Variants in PDSS2 observed in about 807,000 individuals in gnomAD.
PDSS2 encodes all trans-polyprenyl-diphosphate synthase PDSS2.
Under a neutral mutation model 44.5 loss-of-function variants are expected in PDSS2, and 31 were observed. The observed-to-expected ratio is 0.70, with a 90% CI of 0.52 to 0.94. The LOEUF (loss-of-function observed/expected upper bound fraction) is 0.94. PDSS2 is among the 40% of genes least tolerant of loss of function. PDSS2 has a pLI of 0.00. For missense variants in PDSS2, 452 were observed against 482.2 expected (o/e 0.94, Z 0.59); for synonymous variants, 157 against 180.3 (o/e 0.87, Z 1.03).
chr6:107,170,972 CCAA>C (rs1428959688), intron 7 of PDSS2, among the ~76,000 whole-genome samples: 1 of 152,114 alleles, frequency 6.6e-6, no homozygotes, highest in Non-Finnish European at 1.5e-5. Context: ...CAAATTAAAA[CCAA>C]CAAGCGTTTA....
chr6:107,349,440 A>G (rs541166361), intron 1 of PDSS2, among the ~76,000 whole-genome samples: 1 of 151,504 alleles, frequency 6.6e-6, no homozygotes, highest in African/African-American at 2.4e-5. Context: ...CTCAAAAAAA[A>G]AAATTACAAA....
At chr6:107,442,091 C>A (rs951260967) in intron 1 of PDSS2, among the ~76,000 whole-genome samples, 1 of 152,138 alleles carries the variant, frequency 6.6e-6, no homozygotes, top group Admixed American at 6.6e-5. Flanking sequence ...TTCCTAAGGC[C>A]TGATTAGCTC....
intron 1 of PDSS2, among the ~76,000 whole-genome samples, chr6:107,374,122 C>T (rs1380239850): frequency 4.0e-5 from 6 of 151,886 alleles, no homozygotes; most frequent in African/African-American, 9.7e-5. Context: ...GCCGTGGTGG[C>T]GCCCGCCTGT....
At chr6:107,306,623 T>C (rs988437484) in intron 2 of PDSS2, among the ~76,000 whole-genome samples, 3 of 152,184 alleles carry the variant, frequency 2.0e-5, no homozygotes, top group Non-Finnish European at 2.9e-5. Context: ...CTGGAATGCA[T>C]ATGTTCCAGA....
At chr6:107,179,181 C>A (rs780573712) in intron 7 of PDSS2, among the ~76,000 whole-genome samples, 1 of 152,160 alleles carries the variant, frequency 6.6e-6, no homozygotes, top group Non-Finnish European at 1.5e-5. Context: ...CTTCTTAGAT[C>A]CAGGATAGGG....
chr6:107,204,957 C>A (rs535271091), intron 6 of PDSS2, among the ~76,000 whole-genome samples: 32 of 152,116 alleles, frequency 2.1e-4, no homozygotes, highest in Non-Finnish European at 4.0e-4. Flanking sequence ...GCATATAGTT[C>A]TTTCAAATGC....
intron 7 of PDSS2, among the ~76,000 whole-genome samples, chr6:107,179,795 G>C (rs527381329): frequency 2.0e-5 from 3 of 152,182 alleles, no homozygotes; most frequent in Admixed American, 2.0e-4. Context: ...CTCTGATGTG[G>C]TAAGTGGGGA....
At chr6:107,263,352 C>T (rs1775308858) in intron 3 of PDSS2, among the ~76,000 whole-genome samples, 1 of 151,662 alleles carries the variant, frequency 6.6e-6, no homozygotes, top group Non-Finnish European at 1.5e-5. Flanking sequence ...ACTCAGGAGG[C>T]TGAGGCAGAA....
chr6:107,439,766 T>C (rs1781460951), intron 1 of PDSS2, among the ~76,000 whole-genome samples: 2 of 152,150 alleles, frequency 1.3e-5, no homozygotes, highest in African/African-American at 4.8e-5. Context: ...GCATGTCCAA[T>C]AGACTGGCTG....
intron 1 of PDSS2, among the ~76,000 whole-genome samples, chr6:107,441,798 C>T (rs893317472): frequency 6.6e-6 from 1 of 152,160 alleles, no homozygotes; most frequent in African/African-American, 2.4e-5. Flanking sequence ...TCTGTGAGGT[C>T]TAAGCAGGCA....
At chr6:107,445,625 A>C (rs1781646207) in intron 1 of PDSS2, among the ~76,000 whole-genome samples, 1 of 152,204 alleles carries the variant, frequency 6.6e-6, no homozygotes, top group Non-Finnish European at 1.5e-5. Context: ...AGCTTTTCAG[A>C]TTTTAAATTG....
rs149447618 is a variant in PDSS2 at position 107,300,006 on chromosome 6, T to C, written c.432-25779A>G. Among the ~76,000 whole-genome samples the C allele has an allele frequency of 4.4e-3, 670 of 152,108 alleles. 6 individuals are homozygous for C. Among genetic ancestry groups the C allele is most frequent in the African/African-American group, 0.016 (645 of 41,440 alleles). ...TCTCAAAACTACATGAAACCCTCCATACCCATACTCACCTGGTAAGCCTAT... is the reference window on the plus strand; with the variant it reads ...TCTCAAAACTACATGAAACCCTCCACACCCATACTCACCTGGTAAGCCTAT... On this transcript the variant is annotated intron_variant, in intron 2 of 7. Coordinates refer to ENST00000369037, the MANE Select transcript of PDSS2 (RefSeq NM_020381.4).
rs555095182 is a variant in PDSS2, at chr6:107,301,172, T to G, written c.432-26945A>C. On this transcript the variant is annotated intron_variant, in intron 2 of 7. Transcript: ENST00000369037. The stretch of plus-strand genomic sequence containing the variant: ...TATAAATTGTGATTCGCGGACTTTT[T>G]CATTACTTTGTGTGTATATATTACT... 6.2e-4 allele frequency among the ~76,000 whole-genome samples: 94 copies of G among 152,350 alleles called. No individual in the cohort carries two copies. In the South Asian group the frequency reaches 7.5e-3, roughly 12 times the overall value.
At chr6:107,266,541 T>TCATAGCC (rs1775418153) in intron 3 of PDSS2, among the ~76,000 whole-genome samples, 1 of 151,994 alleles carries the variant, frequency 6.6e-6, no homozygotes, top group South Asian at 2.1e-4. Flanking sequence ...AAAAAACATA[T>TCATAGCC]CATAGCCTAA....
At chr6:107,243,876 C>T (rs918469203) in intron 4 of PDSS2, among the ~76,000 whole-genome samples, 1 of 152,178 alleles carries the variant, frequency 6.6e-6, no homozygotes, top group Admixed American at 6.5e-5. Flanking sequence ...CACCTGTAAT[C>T]CCAGCACTTT....
At chr6:107,412,190 T>G (rs1300717597) in intron 1 of PDSS2, among the ~76,000 whole-genome samples, 1 of 150,560 alleles carries the variant, frequency 6.6e-6, no homozygotes, top group Admixed American at 6.6e-5. Context: ...GCCTGGCAAC[T>G]GTACTTCTTT....
chr6:107,167,755 C>G (rs1771407453), intron 7 of PDSS2, among the ~76,000 whole-genome samples: 1 of 152,170 alleles, frequency 6.6e-6, no homozygotes, highest in African/African-American at 2.4e-5. Context: ...CATTCAGGAG[C>G]AGGTTGTTCA....
chr6:107,261,984 C>A (rs1370237500), intron 3 of PDSS2, among the ~76,000 whole-genome samples: 1 of 144,954 alleles, frequency 6.9e-6, no homozygotes, highest in Non-Finnish European at 1.5e-5. Flanking sequence ...TCTTGGCTCA[C>A]TCCAAGCTCC....
intron 7 of PDSS2, among the ~76,000 whole-genome samples, chr6:107,168,141 CT>C (rs1431962477): frequency 1.1e-4 from 17 of 152,106 alleles, no homozygotes; most frequent in Non-Finnish European, 2.4e-4. Flanking sequence ...TAAGGACTTG[CT>C]TTATGAATCT....
Sources: gnomAD v4.1 joint callset for allele counts (sites outside exome capture counted in the v4.1 genomes callset) on GRCh38, gnomAD v4.1.1 for gene constraint, MANE v1.5 for transcripts, NCBI Gene and HGNC (gene_info 2026-07-23, HGNC 2026-07-21) for gene names.